NAALAD2: variants seen among roughly 807,000 people sequenced by gnomAD.
NAALAD2 encodes N-acetylated-alpha-linked acidic dipeptidase 2.
A neutral mutation model predicts 95.6 loss-of-function variants in NAALAD2; 89 were observed. The ratio of observed to expected loss-of-function variants is 0.93; its 90% CI spans 0.78 to 1.11. The LOEUF (loss-of-function observed/expected upper bound fraction) is 1.11, where lower values mean the gene tolerates loss of function less well. Among genes scored for constraint, NAALAD2 ranks in the 50% least tolerant of loss-of-function variants. NAALAD2 has a pLI of 0.00. For missense variants in NAALAD2, 894 were observed against 872.4 expected (o/e 1.02, Z -0.31); for synonymous variants, 264 against 294.4 (o/e 0.90, Z 1.06).
chr11:90,139,687 CT>C (rs1951554218), intron 2 of NAALAD2, among the ~76,000 whole-genome samples: 1 of 152,100 alleles, frequency 6.6e-6, no homozygotes, highest in Admixed American at 6.6e-5. Context: ...AATGACTTTG[CT>C]TTTTCTCAAA....
chr11:90,154,993 ATGTATG>A (rs1266725888), intron 6 of NAALAD2, among the ~76,000 whole-genome samples: 4 of 71,486 alleles, frequency 5.6e-5, no homozygotes, highest in Non-Finnish European at 9.4e-5. Flanking sequence ...TATACATAAT[ATGTATG>A]TGTGTATATA....
At position 90,173,837 on chromosome 11, in the gene NAALAD2, A is replaced by G. The variant is rs1327705135; in HGVS notation, c.1424A>G (p.Asp475Gly). The G allele has an allele frequency of 6.2e-7, 1 of 1,612,968 alleles. No homozygotes were observed. ...TTCTCTTTCCAGATCCCCAGCCCTG[A>G]TGATGGGTTTGAGAGTAAATCACTG... ...YKLTKEIPSP[D>G]DGFESKSLYE... The change falls in exon 14 of 19, where the codon GAT (aspartate) becomes GGT (glycine). Residue 475 changes from aspartate (D) to glycine (G), a missense_variant. Asp to Gly is a moderately conservative substitution (Grantham distance 94). Coordinates refer to ENST00000534061, the MANE Select transcript of NAALAD2 (RefSeq NM_005467.4).
rs182536790 is a variant in NAALAD2 at position 90,154,773 on chromosome 11, G to C, written c.796+2289G>C. ...GGCCTGAAGTGTTTTATGTAGAACTGTTTTTCACTACAAATTGAATTTCAT... is the reference window on the plus strand; with the variant it reads ...GGCCTGAAGTGTTTTATGTAGAACTCTTTTTCACTACAAATTGAATTTCAT... On this transcript the variant is annotated intron_variant, in intron 6 of 18. Coordinates refer to ENST00000534061, the MANE Select transcript of NAALAD2 (RefSeq NM_005467.4). Among the ~76,000 whole-genome samples the C allele has an allele frequency of 8.7e-5, 13 of 148,696 alleles. No individual in the cohort carries two copies. In the East Asian group the frequency reaches 1.8e-3, roughly 20 times the overall value.
chr11:90,183,020 A>T lies in NAALAD2; in HGVS notation c.2033+12A>T, dbSNP rs534226054. On this transcript the variant is annotated intron_variant, in intron 18 of 18. Transcript: ENST00000534061. ...AAGCTGTTCTATAGGTAAGGAAACA[A>T]CAGGCGCCAAATACATCACTGTGAC... 1.9e-5 allele frequency: 31 copies of T among 1,597,526 alleles called. No individual in the cohort carries two copies. In the South Asian group the frequency reaches 3.2e-4, roughly 16 times the overall value.
chr11:90,169,049 A>C, intron 12 of NAALAD2, 57 bp downstream of exon 12: 1 of 1,262,490 alleles, frequency 7.9e-7, no homozygotes, highest in Non-Finnish European at 1.1e-6. Flanking sequence ...TACTTCAAGT[A>C]ACTTTTATTA....
intron 6 of NAALAD2, among the ~76,000 whole-genome samples, chr11:90,155,285 T>G (rs1289538755): frequency 9.4e-6 from 1 of 106,324 alleles, no homozygotes; most frequent in Non-Finnish European, 1.8e-5. Context: ...ATATTATATA[T>G]GCATATATGT....
At chr11:90,143,275 G>A (rs1951669272) in intron 2 of NAALAD2, among the ~76,000 whole-genome samples, 1 of 152,002 alleles carries the variant, frequency 6.6e-6, no homozygotes. Context: ...GGAGTCTGAT[G>A]GTGACAAATT....
At chr11:90,160,028 G>C (rs1031340837) in intron 8 of NAALAD2, among the ~76,000 whole-genome samples, 7 of 125,720 alleles carry the variant, frequency 5.6e-5, no homozygotes, top group African/African-American at 1.8e-4. Context: ...GGGCCAAAAT[G>C]TATAGATCAC....
At chr11:90,168,090 A>G (rs1197412914) in intron 11 of NAALAD2, among the ~76,000 whole-genome samples, 2 of 151,898 alleles carry the variant, frequency 1.3e-5, no homozygotes, top group Admixed American at 6.6e-5. Context: ...AAGGTCTGCA[A>G]CTTTACTCGT....
chr11:90,153,837 T>C (rs1951952026), intron 6 of NAALAD2, among the ~76,000 whole-genome samples: 1 of 152,074 alleles, frequency 6.6e-6, no homozygotes, highest in Non-Finnish European at 1.5e-5. Flanking sequence ...ATACCAATTT[T>C]TCTTTACTAG....
chr11:90,144,740 T>TAAAAAAAAAAAAAAAAAAAAAAAAAAA (rs773275468), intron 2 of NAALAD2, among the ~76,000 whole-genome samples: 3 of 90,908 alleles, frequency 3.3e-5, no homozygotes, highest in Admixed American at 1.4e-4. Flanking sequence ...AAAACTCCAT[T>TAAAAAAAAAAAAAAAAAAAAAAAAAAA]AAAAAAAAAA....
chr11:90,154,192 G>A (rs2134878366), intron 6 of NAALAD2, among the ~76,000 whole-genome samples: 1 of 151,892 alleles, frequency 6.6e-6, no homozygotes, highest in African/African-American at 2.4e-5. Flanking sequence ...TTGAATAGAA[G>A]TTGTTACAAC....
chr11:90,177,313 C>CTTT (rs200479754), intron 15 of NAALAD2, among the ~76,000 whole-genome samples: 2 of 140,848 alleles, frequency 1.4e-5, no homozygotes, highest in African/African-American at 5.2e-5. Context: ...TGCCCAGAAC[C>CTTT]TTTTTTTTTT....
Position 90,136,648 on chromosome 11 carries a change from C to T in NAALAD2, c.194+978C>T, listed in dbSNP as rs76200771. 4.5e-3 allele frequency among the ~76,000 whole-genome samples: 688 copies of T among 152,108 alleles called. 7 individuals are homozygous for T. Among genetic ancestry groups the T allele is most frequent in the African/African-American group, 0.016 (652 of 41,496 alleles). ...ATTATTTTTATTGCAGACTAGAATT[C>T]CATTGTATGGATATATTGCAATGTA... On this transcript the variant is annotated intron_variant, in intron 2 of 18. Transcript: ENST00000534061.
intron 13 of NAALAD2, among the ~76,000 whole-genome samples, 154 bp downstream of exon 13, chr11:90,170,290 C>T (rs1952597323): frequency 6.6e-6 from 1 of 152,116 alleles, no homozygotes; most frequent in African/African-American, 2.4e-5. Context: ...TGCCATTTAC[C>T]TATATGACAT....
At chr11:90,134,108 A>T (rs1951399107), upstream of NAALAD2, among the ~76,000 whole-genome samples, 1 of 152,200 alleles carries the variant, frequency 6.6e-6, no homozygotes, top group South Asian at 2.1e-4. Flanking sequence ...TACTTTTACT[A>T]ATGTGAACCT....
At chr11:90,136,975 C>A (rs1267165721) in intron 2 of NAALAD2, among the ~76,000 whole-genome samples, 1 of 152,126 alleles carries the variant, frequency 6.6e-6, no homozygotes, top group Non-Finnish European at 1.5e-5. Flanking sequence ...TGATGATCAA[C>A]TTCCATCAAC....
rs780804145 is a variant in NAALAD2, at chr11:90,177,859, G to A, written c.1600G>A (p.Asp534Asn). Residue 534 changes from aspartate (D) to asparagine (N), a missense_variant, in exon 16 of 19, where the codon GAT (aspartate) becomes AAT (asparagine). Physicochemically the swap from Asp to Asn is conservative, Grantham distance 23. Coordinates refer to ENST00000534061, the MANE Select transcript of NAALAD2 (RefSeq NM_005467.4). The part of the protein sequence containing the change: ...RARYTKNKKT[D>N]KYSSYPVYHT... The stretch of plus-strand genomic sequence containing the variant: ...CTCTCCATTTTTTTTTCAGAAAACA[G>A]ATAAGTACAGCAGCTACCCAGTGTA... The A allele has an allele frequency of 2.5e-6, 4 of 1,604,338 alleles. No individual in the cohort carries two copies. The highest frequency in any genetic ancestry group is 3.4e-6 in the Non-Finnish European group (4 of 1,177,098).
intron 11 of NAALAD2, among the ~76,000 whole-genome samples, chr11:90,168,378 A>T (rs923246389): frequency 1.3e-5 from 2 of 152,210 alleles, no homozygotes; most frequent in Non-Finnish European, 2.9e-5. Context: ...ACAGTGGCAC[A>T]CACCTGTAAT....
Sources: allele counts gnomAD v4.1 joint callset (sites outside exome capture counted in the v4.1 genomes callset), GRCh38; gene constraint gnomAD v4.1.1; transcripts MANE v1.5; gene names NCBI Gene and HGNC (gene_info 2026-07-23, HGNC 2026-07-21).